The following TENM3 variants were observed in gnomAD, a reference collection of about 807,000 sequenced individuals.
TENM3 encodes teneurin-3.
A neutral mutation model predicts 255.1 loss-of-function variants in TENM3; 63 were observed. The ratio of observed to expected loss-of-function variants is 0.25; its 90% confidence interval spans 0.20 to 0.30. TENM3 has a LOEUF of 0.30. Among genes scored for constraint, TENM3 ranks in the 10% least tolerant of loss-of-function variants. TENM3 has a pLI of 1.00. For missense variants in TENM3, 2,929 were observed against 3,461.1 expected (o/e 0.85, Z 3.86); for synonymous variants, 1,306 against 1,322.3 (o/e 0.99, Z 0.27).
chr4:181,559,030 C>T, the TENM3 span, among the ~76,000 whole-genome samples: 1 of 151,664 alleles, frequency 6.6e-6, no homozygotes, highest in South Asian at 2.1e-4. Flanking sequence ...TGTTTATCTT[C>T]TGTTTGGTAT....
chr4:181,553,226 T>C, the TENM3 span, among the ~76,000 whole-genome samples: 2 of 151,602 alleles, frequency 1.3e-5, no homozygotes, highest in Non-Finnish European at 2.9e-5. Context: ...TTAAGCTCTT[T>C]ACCTGGCAAG....
At chr4:181,653,979 G>C in the TENM3 span, among the ~76,000 whole-genome samples, 1 of 151,636 alleles carries the variant, frequency 6.6e-6, no homozygotes, top group Non-Finnish European at 1.5e-5. Flanking sequence ...GTCCTTCTTT[G>C]GTTGGTGCCA....
chr4:182,208,858 G>A (rs1196077445), intron 1 of TENM3, among the ~76,000 whole-genome samples: 1 of 152,134 alleles, frequency 6.6e-6, no homozygotes, highest in Non-Finnish European at 1.5e-5. Flanking sequence ...TGCAACGTTG[G>A]TTTAGTGGTC....
the TENM3 span, among the ~76,000 whole-genome samples, chr4:181,748,909 C>T: frequency 6.6e-6 from 1 of 151,818 alleles, no homozygotes; most frequent in Non-Finnish European, 1.5e-5. Context: ...TAGAATAATT[C>T]TAAAATATTT....
intron 12 of TENM3, among the ~76,000 whole-genome samples, chr4:182,696,530 T>G (rs760047392): frequency 2.6e-5 from 4 of 151,876 alleles, no homozygotes; most frequent in East Asian, 1.9e-4. Flanking sequence ...ATCGGGACCA[T>G]CCTGACCAAC....
intron 13 of TENM3, among the ~76,000 whole-genome samples, chr4:182,717,435 T>C (rs1010756759): frequency 1.3e-5 from 2 of 152,182 alleles, no homozygotes; most frequent in Admixed American, 1.3e-4. Flanking sequence ...TGGGTAACTG[T>C]AGCTTTTCAG....
At chr4:181,734,952 A>G in the TENM3 span, among the ~76,000 whole-genome samples, 1 of 152,210 alleles carries the variant, frequency 6.6e-6, no homozygotes, top group South Asian at 2.1e-4. Flanking sequence ...TAAAAAGTTA[A>G]ACACTCTCAA....
intron 3 of TENM3, among the ~76,000 whole-genome samples, chr4:182,386,134 C>G (rs1414153004): frequency 6.6e-6 from 1 of 152,166 alleles, no homozygotes; most frequent in African/African-American, 2.4e-5. Context: ...CAATCATGCA[C>G]TCAATTAGAA....
At chr4:181,920,973 C>A in the TENM3 span, among the ~76,000 whole-genome samples, 1 of 152,310 alleles carries the variant, frequency 6.6e-6, no homozygotes, top group Admixed American at 6.5e-5. Context: ...TTTCCCAGCA[C>A]CATTTATTAA....
chr4:182,402,396 C>G (rs1769270570), intron 3 of TENM3, among the ~76,000 whole-genome samples: 2 of 152,154 alleles, frequency 1.3e-5, no homozygotes, highest in African/African-American at 4.8e-5. Flanking sequence ...TACTAACTGG[C>G]TGCTGTTACA....
chr4:182,237,183 G>A (rs1008482180), intron 1 of TENM3, among the ~76,000 whole-genome samples: 2 of 152,178 alleles, frequency 1.3e-5, no homozygotes, highest in African/African-American at 4.8e-5. Context: ...ACATGATCTC[G>A]TTCCTTTTTA....
chr4:182,356,126 T>C (rs1250588238), intron 3 of TENM3, among the ~76,000 whole-genome samples: 1 of 149,720 alleles, frequency 6.7e-6, no homozygotes, highest in Non-Finnish European at 1.5e-5. Flanking sequence ...AAGGACCTTT[T>C]ATAGAGGCAA....
chr4:182,629,433 T>C (rs569366544), intron 5 of TENM3, among the ~76,000 whole-genome samples: 1 of 152,332 alleles, frequency 6.6e-6, no homozygotes, highest in South Asian at 2.1e-4. Context: ...TCTTCTCTTC[T>C]GATGTAGTAT....
At chr4:181,495,141 A>T in the TENM3 span, among the ~76,000 whole-genome samples, 1 of 152,198 alleles carries the variant, frequency 6.6e-6, no homozygotes, top group African/African-American at 2.4e-5. Context: ...TTAGTTAATT[A>T]TCAAGACAAA....
chr4:181,767,151 C>G, the TENM3 span, among the ~76,000 whole-genome samples: 1 of 145,120 alleles, frequency 6.9e-6, no homozygotes, highest in East Asian at 2.1e-4. Context: ...ACTCGGGAGG[C>G]TGAGGCAGGA....
At chr4:181,632,020 C>A in the TENM3 span, among the ~76,000 whole-genome samples, 3 of 152,118 alleles carry the variant, frequency 2.0e-5, no homozygotes, top group Admixed American at 2.0e-4. Context: ...CTACACAAAT[C>A]CAGGTTGTTA....
Position 182,514,084 on chromosome 4 carries a change from CCCT to C in TENM3, c.512-86835_512-86833del, listed in dbSNP as rs1372042207. Among the ~76,000 whole-genome samples, 4 of 152,356 alleles carry C rather than the reference CCCT, an allele frequency of 2.6e-5. No individual in the cohort carries two copies. In the East Asian group the frequency reaches 7.7e-4, roughly 29 times the overall value. ...TGTGGCCCTGTTGGGGCGGCATGCC[CCCT>C]CCTCTTGGGAACCGTGAGTAACAAG... is the stretch of plus-strand genomic sequence containing the variant. On this transcript the variant is annotated intron_variant, in intron 3 of 27. Transcript: ENST00000511685.
chr4:181,858,377 G>T, the TENM3 span, among the ~76,000 whole-genome samples: 1 of 152,174 alleles, frequency 6.6e-6, no homozygotes, highest in African/African-American at 2.4e-5. Flanking sequence ...TAGGGGTTTT[G>T]GTAATGAACC....
the TENM3 span, among the ~76,000 whole-genome samples, chr4:182,080,086 G>T: frequency 6.6e-6 from 1 of 152,202 alleles, no homozygotes; most frequent in South Asian, 2.1e-4. Context: ...AGAAGGAAAA[G>T]GAGCTTGAAT....
Sources: allele counts gnomAD v4.1 joint callset (sites outside exome capture counted in the v4.1 genomes callset), GRCh38; gene constraint gnomAD v4.1.1; transcripts MANE v1.5; gene names NCBI Gene and HGNC (gene_info 2026-07-23, HGNC 2026-07-21).